Variants in ST18 observed in about 807,000 individuals in gnomAD.
The protein encoded by ST18 is suppression of tumorigenicity 18 protein.
A neutral mutation model predicts 110.0 loss-of-function variants in ST18; 50 were observed. The observed-to-expected ratio is 0.45, with a 90% CI of 0.36 to 0.58. The LOEUF is 0.58. Among genes scored for constraint, ST18 ranks in the 20% least tolerant of loss-of-function variants. ST18 has a pLI of 0.00. For synonymous variants in ST18, 461 were observed against 452.4 expected, an observed-to-expected ratio of 1.02 and a Z score of -0.24; for missense variants, 1,306 against 1,280.1, an observed-to-expected ratio of 1.02 and a Z score of -0.31.
At chr8:52,174,859 A>G (rs769936914) in intron 9 of ST18, among the ~76,000 whole-genome samples, 34 of 152,062 alleles carry the variant, frequency 2.2e-4, no homozygotes, top group Non-Finnish European at 4.1e-4. Flanking sequence ...CTTTCACTGG[A>G]GTCATAAGAA....
intron 2 of ST18, among the ~76,000 whole-genome samples, chr8:52,261,613 T>C (rs981939692): frequency 3.3e-5 from 5 of 152,226 alleles, no homozygotes; most frequent in Non-Finnish European, 7.3e-5. Flanking sequence ...ATGCTTCCAG[T>C]TTGGTTTCTA....
intron 2 of ST18, among the ~76,000 whole-genome samples, chr8:52,236,703 T>G (rs1008835130): frequency 1.3e-5 from 2 of 151,990 alleles, no homozygotes; most frequent in African/African-American, 4.8e-5. Context: ...AGAAAAATCA[T>G]AGAAAGATCC....
At chr8:52,283,852 T>A (rs191040090) in intron 2 of ST18, among the ~76,000 whole-genome samples, 1 of 151,716 alleles carries the variant, frequency 6.6e-6, no homozygotes, top group Non-Finnish European at 1.5e-5. Flanking sequence ...CAACTGAGAG[T>A]GAATATGGAG....
intron 2 of ST18, among the ~76,000 whole-genome samples, chr8:52,335,900 C>T (rs926179934): frequency 5.3e-5 from 8 of 152,066 alleles, no homozygotes; most frequent in African/African-American, 1.2e-4. Flanking sequence ...AGAGGCCTCC[C>T]GGTGCTGTTA....
At chr8:52,182,971 A>G (rs2070438408) in intron 8 of ST18, among the ~76,000 whole-genome samples, 1 of 152,196 alleles carries the variant, frequency 6.6e-6, no homozygotes, top group African/African-American at 2.4e-5. Flanking sequence ...TGACTTTAAG[A>G]TCCTTACAAA....
At chr8:52,177,972 A>G (rs2067561128) in intron 9 of ST18, among the ~76,000 whole-genome samples, 1 of 152,234 alleles carries the variant, frequency 6.6e-6, no homozygotes, top group African/African-American at 2.4e-5. Flanking sequence ...CATTATTATT[A>G]TTAGTGGTTC....
intron 2 of ST18, among the ~76,000 whole-genome samples, chr8:52,280,172 T>C (rs183331091): frequency 6.6e-6 from 1 of 151,802 alleles, no homozygotes; most frequent in Admixed American, 6.6e-5. Context: ...AAATGAAGTA[T>C]TGAATAAAAA....
intron 2 of ST18, among the ~76,000 whole-genome samples, chr8:52,280,623 T>C (rs2095357931): frequency 1.3e-5 from 2 of 152,090 alleles, no homozygotes; most frequent in Non-Finnish European, 2.9e-5. Flanking sequence ...GGCTTTATTA[T>C]TAATGACCTT....
chr8:52,376,954 A>G (rs1832641231), intron 2 of ST18, among the ~76,000 whole-genome samples: 1 of 152,214 alleles, frequency 6.6e-6, no homozygotes, highest in African/African-American at 2.4e-5. Context: ...TCTGTTCCCA[A>G]CTAATTAAAT....
chr8:52,291,559 C>T (rs2095556429), intron 2 of ST18, among the ~76,000 whole-genome samples: 1 of 152,176 alleles, frequency 6.6e-6, no homozygotes, highest in Non-Finnish European at 1.5e-5. Flanking sequence ...ATACATTATA[C>T]TCCAGATAAA....
chr8:52,286,854 C>T (rs982600807), intron 2 of ST18, among the ~76,000 whole-genome samples: 2 of 151,612 alleles, frequency 1.3e-5, no homozygotes, highest in South Asian at 2.1e-4. Flanking sequence ...ATTCTTAAAC[C>T]GCACCCCAGA....
intron 2 of ST18, among the ~76,000 whole-genome samples, chr8:52,359,095 A>T (rs1824492977): frequency 6.6e-6 from 1 of 150,546 alleles, no homozygotes; most frequent in African/African-American, 2.5e-5. Flanking sequence ...AATCAACTAC[A>T]TTGACATGGC....
At chr8:52,290,578 A>G (rs2095540799) in intron 2 of ST18, among the ~76,000 whole-genome samples, 1 of 152,180 alleles carries the variant, frequency 6.6e-6, no homozygotes, top group African/African-American at 2.4e-5. Context: ...ATTGGCTGAC[A>G]CAGAGTTTTG....
At chr8:52,396,503 G>A (rs953172393) in intron 2 of ST18, among the ~76,000 whole-genome samples, 10 of 152,106 alleles carry the variant, frequency 6.6e-5, no homozygotes, top group Non-Finnish European at 1.3e-4. Context: ...ACACTGCTAT[G>A]AAGAAATACC....
At chr8:52,277,015 C>T (rs529184446) in intron 2 of ST18, among the ~76,000 whole-genome samples, 39 of 152,264 alleles carry the variant, frequency 2.6e-4, no homozygotes, top group Middle Eastern at 3.4e-3. Context: ...GATTCACCCA[C>T]CTTGGCCTCC....
intron 2 of ST18, among the ~76,000 whole-genome samples, chr8:52,370,821 C>T (rs1829986904): frequency 6.6e-6 from 1 of 152,158 alleles, no homozygotes; most frequent in Admixed American, 6.5e-5. Context: ...ACCACAAAAC[C>T]TAGTTCCCTG....
intron 2 of ST18, among the ~76,000 whole-genome samples, chr8:52,300,251 C>G (rs987565312): frequency 6.6e-6 from 1 of 152,070 alleles, no homozygotes; most frequent in Non-Finnish European, 1.5e-5. Context: ...CTTATTAAGC[C>G]AGGTAGTCAG....
chr8:52,216,820 C>T (rs539289967), intron 6 of ST18, among the ~76,000 whole-genome samples: 1 of 152,126 alleles, frequency 6.6e-6, no homozygotes, highest in African/African-American at 2.4e-5. Context: ...TAAAATCAGG[C>T]CTCATATTCA....
intron 2 of ST18, among the ~76,000 whole-genome samples, chr8:52,389,327 A>C (rs1838394206): frequency 6.6e-6 from 1 of 152,212 alleles, no homozygotes; most frequent in South Asian, 2.1e-4. Flanking sequence ...GGAGGTTTGC[A>C]GGAAAGCTGC....
Sources: gnomAD v4.1 joint callset for allele counts (sites outside exome capture counted in the v4.1 genomes callset) on GRCh38, gnomAD v4.1.1 for gene constraint, MANE v1.5 for transcripts, NCBI Gene and HGNC (gene_info 2026-07-23, HGNC 2026-07-21) for gene names.